CAMKK1: variants seen among roughly 807,000 people sequenced by gnomAD.
CAMKK1 encodes calcium/calmodulin-dependent protein kinase kinase 1.
In CAMKK1, 20 loss-of-function variants were observed where a neutral mutation model predicts 63.5. The ratio of observed to expected loss-of-function variants is 0.32; its 90% CI spans 0.22 to 0.46. The LOEUF is 0.46. Ranked by LOEUF, CAMKK1 falls within the 20% of genes least tolerant of loss-of-function variation. CAMKK1 has a pLI of 1.00. For missense variants in CAMKK1, 588 were observed against 658.1 expected, an observed-to-expected ratio of 0.89 and a Z score of 1.17; for synonymous variants, 253 against 269.0, an observed-to-expected ratio of 0.94 and a Z score of 0.58.
chr17:3,870,531 A>T (rs926041554), intron 12 of CAMKK1, among the ~76,000 whole-genome samples: 3 of 151,944 alleles, frequency 2.0e-5, no homozygotes, highest in Admixed American at 2.0e-4. Context: ...GTGCCCGGCT[A>T]ATTTTTTGTA....
At position 3,890,310 on chromosome 17, in the gene CAMKK1, C is replaced by T. The variant is rs941266770; in HGVS notation, c.-44+2629G>A. On this transcript the variant is annotated intron_variant, in intron 1 of 15. Coordinates refer to ENST00000348335, the MANE Select transcript of CAMKK1 (RefSeq NM_032294.3). The surrounding 1 kb of genome is among the most constrained non-coding windows in gnomAD (Gnocchi z 6.5). ...GCCCGCTCCCACCATCCCTGGGGAG[C>T]CCCCAAGCACCAATACGGGCTGTTG... Among the ~76,000 whole-genome samples, 13 of 152,160 alleles carry T rather than the reference C, an allele frequency of 8.5e-5. No homozygotes were observed. The highest frequency in any genetic ancestry group is 3.9e-4 in the East Asian group (2 of 5,190).
Position 3,890,704 on chromosome 17 carries a change from G to A in CAMKK1, c.-44+2235C>T, listed in dbSNP as rs750230968. The A allele has an allele frequency of 1.2e-5, 9 of 779,582 alleles. No homozygotes were observed. The highest frequency in any genetic ancestry group is 8.5e-5 in the Admixed American group (5 of 59,004). 48.3% of individuals were successfully genotyped at this position (779,582 alleles called of 1,614,324 possible). Reference sequence around the variant, plus strand: ...AACCCCACACTTACTCTCCACTGCAGCCACACCACAGCTTCCCAAATTGCA... The same window carrying A: ...AACCCCACACTTACTCTCCACTGCAACCACACCACAGCTTCCCAAATTGCA... On this transcript the variant is annotated intron_variant, in intron 1 of 15. Transcript: ENST00000348335. The surrounding 1 kb of genome is among the most constrained non-coding windows in gnomAD (Gnocchi z 6.5).
chr17:3,865,095 G>T, intron 15 of CAMKK1: 1 of 979,380 alleles, frequency 1.0e-6, no homozygotes, highest in African/African-American at 1.7e-5. Flanking sequence ...ACCACGCTGT[G>T]GTTCAGGACC....
At position 3,885,904 on chromosome 17, in the gene CAMKK1, G is replaced by A. The variant is rs959002810; in HGVS notation, c.-43-174C>T. 2.6e-5 allele frequency among the ~76,000 whole-genome samples: 4 copies of A among 152,194 alleles called. No individual in the cohort carries two copies. The East Asian group carries it at 5.8e-4, about 22-fold the overall frequency. On this transcript the variant is annotated intron_variant, in intron 1 of 15. Transcript: ENST00000348335. ...CCTATGACCTGAATGAATTCACATCGGTTCTGCCGCATGCCAGCCCTCTAG... is the reference window on the plus strand; with the variant it reads ...CCTATGACCTGAATGAATTCACATCAGTTCTGCCGCATGCCAGCCCTCTAG...
chr17:3,880,200 C>T, intron 9 of CAMKK1, 146 bp downstream of exon 9: 1 of 680,040 alleles, frequency 1.5e-6, no homozygotes, highest in Non-Finnish European at 2.5e-6. Context: ...TTGGCCCCGC[C>T]ACACGTGCAT....
At position 3,882,920 on chromosome 17, in the gene CAMKK1, G is replaced by T; in HGVS notation, c.648+122C>A. Reference sequence around the variant, plus strand: ...CCCAAGTCTGGCCCTGTCCTCAGAGGCCTCAGCCACATCTGCCACCTGGGC... The same window carrying T: ...CCCAAGTCTGGCCCTGTCCTCAGAGTCCTCAGCCACATCTGCCACCTGGGC... On this transcript the variant is annotated intron_variant, in intron 6 of 15. Transcript: ENST00000348335. This position sits in a 1 kb window ranked among gnomAD's most constrained non-coding sequence, Gnocchi z 4.3. 1 of 1,304,182 alleles carries T rather than the reference G, an allele frequency of 7.7e-7. No individual in the cohort carries two copies. Among genetic ancestry groups the T allele is most frequent in the Non-Finnish European group, 1.1e-6 (1 of 943,780 alleles). The allele number at this position is 1,304,182 out of a possible 1,614,324, so 80.8% of individuals were successfully genotyped here.
intron 1 of CAMKK1, among the ~76,000 whole-genome samples, chr17:3,891,114 G>GGC (rs1555545824): frequency 6.6e-6 from 1 of 151,880 alleles, no homozygotes; most frequent in African/African-American, 2.4e-5. Flanking sequence ...AAGGTTGGGG[G>GGC]GGGGGTCACA....
rs769501552 is a variant in CAMKK1, at chr17:3,877,890, A to T, written c.797-1468T>A. ...TAACTAGGCAGCTAGGCATCGATAT[A>T]TGTCTCTGTATATCTGAACACAGTG... On this transcript the variant is annotated intron_variant, in intron 9 of 15. Transcript: ENST00000348335. Among the ~76,000 whole-genome samples, 94 of 152,148 alleles carry T rather than the reference A, an allele frequency of 6.2e-4. 1 individual carries two copies. Among genetic ancestry groups the T allele is most frequent in the Non-Finnish European group, 6.5e-4 (44 of 67,996 alleles).
At chr17:3,868,028 CG>C (rs201793689) in intron 14 of CAMKK1, among the ~76,000 whole-genome samples, 15 of 121,964 alleles carry the variant, frequency 1.2e-4, no homozygotes, top group East Asian at 5.1e-4. Context: ...GAGAAGCAGG[CG>C]CCGTCTAACT....
Position 3,869,526 on chromosome 17 carries a change from A to C in CAMKK1, c.1302T>G (p.Val434=). The stretch of plus-strand genomic sequence containing the variant: ...TGGGGATGAGCCTGACTGAGTTCTT[A>C]ACCTCCTCCTCTGTCACCTCCACCA... The part of the protein sequence containing the change: ...CSVVEVTEEE[V]KNSVRLIPSW... The change falls in exon 14 of 16, where the codon GTT becomes GTG. Residue 434 remains valine, a synonymous_variant. Coordinates refer to ENST00000348335, the MANE Select transcript of CAMKK1 (RefSeq NM_032294.3). 1 of 1,614,168 alleles carries C rather than the reference A, an allele frequency of 6.2e-7. No individual in the cohort carries two copies.
At position 3,885,316 on chromosome 17, in the gene CAMKK1, T is replaced by C; in HGVS notation, c.360+12A>G. 3.2e-6 allele frequency: 5 copies of C among 1,573,542 alleles called. No homozygotes were observed. The highest frequency in any genetic ancestry group is 4.3e-6 in the Non-Finnish European group (5 of 1,156,946). On this transcript the variant is annotated intron_variant, in intron 2 of 15. Transcript: ENST00000348335. ...GGGGCTCATGAACAACCCCTCGTTC[T>C]GCCCCACCAACCTCTGCATCTGAGA...
chr17:3,861,333 C>G lies in CAMKK1; in HGVS notation c.*878G>C, dbSNP rs979555051. 2.6e-5 allele frequency: 4 copies of G among 152,360 alleles called. No homozygotes were observed. Among genetic ancestry groups the G allele is most frequent in the Non-Finnish European group, 4.4e-5 (3 of 68,148 alleles). 9.4% of individuals were successfully genotyped at this position (152,360 alleles called of 1,614,324 possible). A position where few individuals can be genotyped will look rare whatever the true frequency, so the allele number is the denominator to read the frequency against. ...CCACAGGCCTGTCGCGTCCATGGCCCTCGGTCAAAGTCAGCCCTGGTGTCT... is the reference window on the plus strand; with the variant it reads ...CCACAGGCCTGTCGCGTCCATGGCCGTCGGTCAAAGTCAGCCCTGGTGTCT... On this transcript the variant is annotated 3_prime_UTR_variant, in exon 16 of 16. Transcript: ENST00000348335.
At position 3,883,248 on chromosome 17, in the gene CAMKK1, A is replaced by C. The variant is rs772948766; in HGVS notation, c.515-73T>G. Reference sequence around the variant, plus strand: ...TCACCGTGGCCCCCAAACCAGTCTCAAGCAAGAGTCTTGCATGCCCGTGGT... The same window carrying C: ...TCACCGTGGCCCCCAAACCAGTCTCCAGCAAGAGTCTTGCATGCCCGTGGT... On this transcript the variant is annotated intron_variant, in intron 5 of 15. Transcript: ENST00000348335. This position sits in a 1 kb window ranked among gnomAD's most constrained non-coding sequence, Gnocchi z 4.7. 57 of 1,587,530 alleles carry C rather than the reference A, an allele frequency of 3.6e-5. No homozygotes were observed. Among genetic ancestry groups the C allele is most frequent in the Non-Finnish European group, 4.6e-5 (54 of 1,164,334 alleles).
chr17:3,879,086 T>A lies in CAMKK1; in HGVS notation c.796+1260A>T, dbSNP rs2055294255. The A allele has an allele frequency of 6.6e-6, 1 of 152,378 alleles. No homozygotes were observed. Among genetic ancestry groups the A allele is most frequent in the Non-Finnish European group, 1.5e-5 (1 of 68,232 alleles). The allele number at this position is 152,378 out of a possible 1,614,324, so 9.4% of individuals were successfully genotyped here. On this transcript the variant is annotated intron_variant, in intron 9 of 15. Coordinates refer to ENST00000348335, the MANE Select transcript of CAMKK1 (RefSeq NM_032294.3). The surrounding 1 kb of genome is among the most constrained non-coding windows in gnomAD (Gnocchi z 4.5). Reference sequence around the variant, plus strand: ...ACCTCGGCCTCCCAAAGTGCTGGGATTACAGGCATGAGCCCCTGCGCCTGG... The same window carrying A: ...ACCTCGGCCTCCCAAAGTGCTGGGAATACAGGCATGAGCCCCTGCGCCTGG...
In CAMKK1 at chr17:3,869,852, C is replaced by T. The variant is rs2054760655; in HGVS notation, c.1161G>A (p.Leu387=). 6.2e-6 allele frequency: 10 copies of T among 1,614,270 alleles called. No homozygotes were observed. The highest frequency in any genetic ancestry group is 8.5e-6 in the Non-Finnish European group (10 of 1,180,052). Residue 387 remains leucine (L), a synonymous_variant, in exon 13 of 16, where the codon CTG becomes CTA. Coordinates refer to ENST00000348335, the MANE Select transcript of CAMKK1 (RefSeq NM_032294.3). ...TCTCGGGATTCTTGTCTAACATCTT[C>T]AGGATCAGGTCCTTGAGCTCCTCGC... The part of the protein sequence containing the change: ...EISEELKDLI[L]KMLDKNPETR...
chr17:3,881,861 G>A lies in CAMKK1; in HGVS notation c.686-213C>T, dbSNP rs1324809588. Reference sequence around the variant, plus strand: ...CTCATCTGATCCTCAGGTGCCAGGTGAGAACCATCAGCATCAGCATGGGGC... The same window carrying A: ...CTCATCTGATCCTCAGGTGCCAGGTAAGAACCATCAGCATCAGCATGGGGC... On this transcript the variant is annotated intron_variant, in intron 7 of 15. Coordinates refer to ENST00000348335, the MANE Select transcript of CAMKK1 (RefSeq NM_032294.3). 3 of 580,760 alleles carry A rather than the reference G, an allele frequency of 5.2e-6. No homozygotes were observed. In the East Asian group the frequency reaches 8.6e-5, roughly 17 times the overall value. 36.0% of individuals were successfully genotyped at this position (580,760 alleles called of 1,614,324 possible).
At chr17:3,872,728 G>A (rs1196442155) in intron 11 of CAMKK1, 101 bp from the exon 12 acceptor site, 1 of 906,584 alleles carries the variant, frequency 1.1e-6, no homozygotes, top group Non-Finnish European at 1.8e-6. Flanking sequence ...TAGGGGGCAG[G>A]TCTGGGCTCC....
rs2055960435 is a variant in CAMKK1, at chr17:3,893,005, C to T, written c.-110G>A. 1 of 148,580 alleles carries T rather than the reference C, an allele frequency of 6.7e-6. No homozygotes were observed. The highest frequency in any genetic ancestry group is 2.4e-5 in the African/African-American group (1 of 40,828). The allele number at this position is 148,580 out of a possible 1,614,324, so 9.2% of individuals were successfully genotyped here. The stretch of plus-strand genomic sequence containing the variant: ...CCACTCGCTCCTGCTGCGCGCCCCG[C>T]CCCGCCCCGCCCCGCCCCACCGCCT... On this transcript the variant is annotated 5_prime_UTR_variant, in exon 1 of 16. Coordinates refer to ENST00000348335, the MANE Select transcript of CAMKK1 (RefSeq NM_032294.3). The surrounding 1 kb of genome is among the most constrained non-coding windows in gnomAD (Gnocchi z 4.6).
At chr17:3,871,332 T>C (rs1597454387) in intron 12 of CAMKK1, among the ~76,000 whole-genome samples, 2 of 105,328 alleles carry the variant, frequency 1.9e-5, no homozygotes, top group South Asian at 5.3e-4. Flanking sequence ...TGTTGTTTTT[T>C]GTTTTTTTTT....
Sources: allele counts gnomAD v4.1 joint callset (sites outside exome capture counted in the v4.1 genomes callset), GRCh38; gene constraint gnomAD v4.1.1; non-coding constraint Gnocchi (gnomAD v3.1); transcripts MANE v1.5; gene names NCBI Gene and HGNC (gene_info 2026-07-23, HGNC 2026-07-21).